CBFB: variants seen among roughly 807,000 people sequenced by gnomAD.
CBFB encodes the protein core-binding factor subunit beta.
A neutral mutation model predicts 30.4 loss-of-function variants in CBFB; 9 were observed. The observed-to-expected ratio is 0.30, with a 90% confidence interval of 0.18 to 0.52. The LOEUF (loss-of-function observed/expected upper bound fraction) is 0.52. Among genes scored for constraint, CBFB ranks in the 20% least tolerant of loss-of-function variants. The probability of loss-of-function intolerance (pLI) is 0.97; values close to 1 mark genes in which losing one functional copy is unlikely to be tolerated. For synonymous variants in CBFB, 94 were observed against 84.0 expected, an observed-to-expected ratio of 1.12 and a Z score of -0.65; for missense variants, 170 against 244.0, an observed-to-expected ratio of 0.70 and a Z score of 2.02.
intron 4 of CBFB, among the ~76,000 whole-genome samples, chr16:67,069,737 G>A (rs1406497849): frequency 4.6e-5 from 7 of 152,188 alleles, no homozygotes; most frequent in African/African-American, 9.7e-5. Flanking sequence ...TTCCTCACAC[G>A]CGAAGGAACC....
chr16:67,070,259 G>T (rs973322190), intron 4 of CBFB, among the ~76,000 whole-genome samples: 3 of 152,108 alleles, frequency 2.0e-5, no homozygotes, highest in African/African-American at 7.2e-5. Context: ...TCTGGCCCAG[G>T]CCATCCCAGT....
intron 3 of CBFB, among the ~76,000 whole-genome samples, chr16:67,055,225 T>C (rs967320027): frequency 6.6e-6 from 1 of 152,050 alleles, no homozygotes; most frequent in African/African-American, 2.4e-5. Context: ...TAATACATTT[T>C]TATGACTTTT....
At position 67,055,357 on chromosome 16, in the gene CBFB, C is replaced by CTTTTTTTTTTTTTTTTT. The variant is rs1163773529; in HGVS notation, c.283-11314_283-11298dup. 8.1e-4 allele frequency among the ~76,000 whole-genome samples: 66 copies of CTTTTTTTTTTTTTTTTT among 81,466 alleles called. 5 individuals are homozygous for CTTTTTTTTTTTTTTTTT. Among genetic ancestry groups the CTTTTTTTTTTTTTTTTT allele is most frequent in the Non-Finnish European group, 1.2e-3 (50 of 41,356 alleles). The allele number at this position is 81,466 out of a possible 152,430, so 53.4% of individuals were successfully genotyped here. ...AAATCTATTGAATTCCAGACACTTT[C>CTTTTTTTTTTTTTTTTT]TTTTTTTTTTTTTTTTTTTTTTTTT... On this transcript the variant is annotated intron_variant, in intron 3 of 5. Coordinates refer to ENST00000412916, the MANE Select transcript of CBFB (RefSeq NM_022845.3).
rs188104034 is a variant in CBFB at position 67,050,453 on chromosome 16, A to G, written c.282+13698A>G. Among the ~76,000 whole-genome samples, 859 of 151,998 alleles carry G rather than the reference A, an allele frequency of 5.7e-3. 3 individuals carry two copies. Among genetic ancestry groups the G allele is most frequent in the African/African-American group, 0.019 (802 of 41,490 alleles). On this transcript the variant is annotated intron_variant, in intron 3 of 5. Coordinates refer to ENST00000412916, the MANE Select transcript of CBFB (RefSeq NM_022845.3). ...TACATATATACGTATGATAAAGTTTAGTTTATAAATTAGGCACAGTAAGAG... is the reference window on the plus strand; with the variant it reads ...TACATATATACGTATGATAAAGTTTGGTTTATAAATTAGGCACAGTAAGAG...
intron 4 of CBFB, among the ~76,000 whole-genome samples, chr16:67,079,977 A>G (rs1401196838): frequency 2.0e-5 from 3 of 152,176 alleles, no homozygotes; most frequent in South Asian, 2.1e-4. Context: ...GCTCACCTGT[A>G]GTCCCAGCTA....
At chr16:67,085,142 T>TTGTGTG (rs774330554) in intron 5 of CBFB, among the ~76,000 whole-genome samples, 1 of 149,162 alleles carries the variant, frequency 6.7e-6, no homozygotes, top group African/African-American at 2.5e-5. Flanking sequence ...ATGAAATAAA[T>TTGTGTG]TGTGTGTGTG....
intron 2 of CBFB, among the ~76,000 whole-genome samples, chr16:67,033,995 AT>A (rs540614574): frequency 4.6e-5 from 7 of 151,786 alleles, no homozygotes; most frequent in African/African-American, 1.7e-4. Context: ...CACCCGGCTA[AT>A]TTTTTGTATT....
intron 5 of CBFB, among the ~76,000 whole-genome samples, chr16:67,083,612 T>C (rs895773609): frequency 2.6e-5 from 4 of 152,178 alleles, no homozygotes; most frequent in Non-Finnish European, 5.9e-5. Context: ...ATTTCAGTTT[T>C]TATAGTTAAT....
intron 5 of CBFB, among the ~76,000 whole-genome samples, chr16:67,094,727 T>G (rs560158903): frequency 6.6e-6 from 1 of 152,334 alleles, no homozygotes; most frequent in East Asian, 1.9e-4. Flanking sequence ...GCAGAATTGA[T>G]CTGTCCTTAC....
rs748745693 is a variant in CBFB, at chr16:67,100,310, G to A, written c.*1532G>A. 9.0e-6 allele frequency: 2 copies of A among 222,344 alleles called. No individual in the cohort carries two copies. The highest frequency in any genetic ancestry group is 2.2e-5 in the African/African-American group (1 of 44,728). 13.8% of individuals were successfully genotyped at this position (222,344 alleles called of 1,614,324 possible). On this transcript the variant is annotated 3_prime_UTR_variant, in exon 6 of 6. Transcript: ENST00000412916. The stretch of plus-strand genomic sequence containing the variant: ...ATAACTGTACTTGACTGATGAGGGA[G>A]GTGTTACTTTCATTGTATATAGGTC...
In CBFB at chr16:67,100,729, A is replaced by G. The variant is rs1962196650; in HGVS notation, c.*1951A>G. ...AGTAAATAAGATCAAATGCTCTTAA[A>G]TGTTCCTGTTACCATCCTAATGTAA... On this transcript the variant is annotated 3_prime_UTR_variant, in exon 6 of 6. Coordinates refer to ENST00000412916, the MANE Select transcript of CBFB (RefSeq NM_022845.3). 4.6e-6 allele frequency: 1 copy of G among 218,194 alleles called. No homozygotes were observed. Among genetic ancestry groups the G allele is most frequent in the Admixed American group, 5.8e-5 (1 of 17,274 alleles). 13.5% of individuals were successfully genotyped at this position (218,194 alleles called of 1,614,324 possible). A position where few individuals can be genotyped will look rare whatever the true frequency, so the allele number is the denominator to read the frequency against.
intron 1 of CBFB, 34 bp from the exon 2 acceptor site, chr16:67,029,693 T>A: frequency 6.5e-7 from 1 of 1,548,860 alleles, no homozygotes; most frequent in Non-Finnish European, 8.8e-7. Flanking sequence ...CGCCGCGGAT[T>A]TGGCTCCTGA....
chr16:67,068,589 TCAA>T (rs1567616471), intron 4 of CBFB, among the ~76,000 whole-genome samples: 2 of 152,002 alleles, frequency 1.3e-5, no homozygotes, highest in African/African-American at 4.8e-5. Flanking sequence ...CAAACAAACA[TCAA>T]CAACAAGCTG....
At chr16:67,081,849 CT>C (rs528453178) in intron 4 of CBFB, among the ~76,000 whole-genome samples, 2 of 145,694 alleles carry the variant, frequency 1.4e-5, no homozygotes, top group Non-Finnish European at 1.5e-5. Context: ...TTTTCTTTTC[CT>C]TTTTTTTTGA....
intron 3 of CBFB, among the ~76,000 whole-genome samples, chr16:67,039,643 AATTCT>A (rs151171810): frequency 0.048 from 7,382 of 152,240 alleles, 516 homozygotes; most frequent in African/African-American, 0.16. Context: ...ATATGTTTTT[AATTCT>A]ATTAGGAAGA....
chr16:67,069,285 G>T (rs1961150721), intron 4 of CBFB, among the ~76,000 whole-genome samples: 1 of 151,874 alleles, frequency 6.6e-6, no homozygotes, highest in South Asian at 2.1e-4. Flanking sequence ...TAGGAGAATA[G>T]CTTGGACCCA....
At chr16:67,067,742 A>G (rs558881561) in intron 4 of CBFB, among the ~76,000 whole-genome samples, 46 of 150,312 alleles carry the variant, frequency 3.1e-4, no homozygotes, top group Middle Eastern at 6.8e-3. Flanking sequence ...AGGGCTTGGG[A>G]AAAAAAAAAT....
intron 2 of CBFB, among the ~76,000 whole-genome samples, chr16:67,035,141 G>A (rs1966421883): frequency 1.3e-5 from 2 of 152,038 alleles, no homozygotes; most frequent in Non-Finnish European, 2.9e-5. Context: ...GCACAGTGGT[G>A]CAATCTCGGC....
At chr16:67,062,037 A>G (rs1960925114) in intron 3 of CBFB, among the ~76,000 whole-genome samples, 1 of 152,110 alleles carries the variant, frequency 6.6e-6, no homozygotes, top group Non-Finnish European at 1.5e-5. Context: ...CATCTCAAAA[A>G]ACAAAGAATT....
Sources: gnomAD v4.1 joint callset for allele counts (sites outside exome capture counted in the v4.1 genomes callset) on GRCh38, gnomAD v4.1.1 for gene constraint, MANE v1.5 for transcripts, NCBI Gene and HGNC (gene_info 2026-07-23, HGNC 2026-07-21) for gene names.